The following AFF1 variants were observed in gnomAD, a reference collection of about 807,000 sequenced individuals.
AFF1 encodes the protein AF4/FMR2 family member 1.
Under a neutral mutation model 121.7 loss-of-function variants are expected in AFF1, and 48 were observed. The observed-to-expected ratio is 0.39, with a 90% CI of 0.31 to 0.50. The LOEUF (loss-of-function observed/expected upper bound fraction) is 0.50. Among genes scored for constraint, AFF1 ranks in the 20% least tolerant of loss-of-function variants. The probability of loss-of-function intolerance (pLI) is 0.76; values close to 1 mark genes in which losing one functional copy is unlikely to be tolerated. For missense variants in AFF1, 1,523 were observed against 1,511.7 expected (o/e 1.01, Z -0.12); for synonymous variants, 613 against 563.0 (o/e 1.09, Z -1.26).
intron 2 of AFF1, among the ~76,000 whole-genome samples, chr4:87,001,094 TCTC>T (rs1560530184): frequency 6.6e-6 from 1 of 151,550 alleles, no homozygotes; most frequent in African/African-American, 2.4e-5. Context: ...CCCCGGGGAC[TCTC>T]CTCCTACAGA....
intron 18 of AFF1, among the ~76,000 whole-genome samples, 176 bp downstream of exon 18, chr4:87,132,040 A>G (rs901871992): frequency 6.6e-6 from 1 of 152,130 alleles, no homozygotes; most frequent in Non-Finnish European, 1.5e-5. Context: ...ATCTGCTGCC[A>G]TTTTTCTGAT....
At chr4:87,115,437 A>T in intron 12 of AFF1, 138 bp downstream of exon 12, 1 of 910,852 alleles carries the variant, frequency 1.1e-6, no homozygotes, top group Non-Finnish European at 1.6e-6. Flanking sequence ...TAGCCTTTGC[A>T]TCTTCTTCCA....
Position 86,966,590 on chromosome 4 carries a change from GAAA to G in AFF1, c.38+18030_38+18032del, listed in dbSNP as rs33920945. On this transcript the variant is annotated intron_variant, in intron 2 of 20. Coordinates refer to ENST00000395146, the MANE Select transcript of AFF1 (RefSeq NM_001166693.3). ...ATATTTGCTCCAAGATGGCTCACAG[GAAA>G]AAAAAAAAAATCATAGTATTACTAG... Among the ~76,000 whole-genome samples the G allele has an allele frequency of 3.4e-3, 511 of 148,918 alleles. 5 individuals are homozygous for G. Among genetic ancestry groups the G allele is most frequent in the African/African-American group, 0.011 (459 of 40,798 alleles).
intron 4 of AFF1, among the ~76,000 whole-genome samples, chr4:87,069,879 G>A (rs1168571308): frequency 6.9e-6 from 1 of 144,000 alleles, no homozygotes; most frequent in Non-Finnish European, 1.5e-5. Context: ...AGTATAGTGT[G>A]GGATCTCAGC....
intron 4 of AFF1, among the ~76,000 whole-genome samples, chr4:87,055,812 A>G (rs1055896185): frequency 6.6e-6 from 1 of 152,200 alleles, no homozygotes; most frequent in Non-Finnish European, 1.5e-5. Flanking sequence ...ATCCTGGTTC[A>G]TGTTAACATA....
intron 4 of AFF1, among the ~76,000 whole-genome samples, chr4:87,051,134 TC>T (rs1212429403): frequency 6.6e-6 from 1 of 152,248 alleles, no homozygotes; most frequent in Non-Finnish European, 1.5e-5. Flanking sequence ...GACAGCTCTT[TC>T]ATTTTGCAAA....
chr4:86,968,045 A>C (rs537153528), intron 2 of AFF1, among the ~76,000 whole-genome samples: 1 of 152,190 alleles, frequency 6.6e-6, no homozygotes, highest in Non-Finnish European at 1.5e-5. Flanking sequence ...CTGATAAAGA[A>C]GCTGACAAAA....
intron 2 of AFF1, among the ~76,000 whole-genome samples, chr4:87,016,952 C>T (rs138419384): frequency 2.0e-5 from 3 of 151,994 alleles, no homozygotes; most frequent in African/African-American, 4.8e-5. Context: ...TGGTTCTATC[C>T]TTTTATTACT....
At chr4:87,082,668 A>G (rs887217080) in intron 4 of AFF1, among the ~76,000 whole-genome samples, 7 of 152,188 alleles carry the variant, frequency 4.6e-5, no homozygotes, top group East Asian at 1.9e-4. Context: ...GGCTCAGGCA[A>G]TCTGCCCGCC....
intron 4 of AFF1, among the ~76,000 whole-genome samples, chr4:87,059,499 A>G (rs146921238): frequency 6.9e-4 from 105 of 152,118 alleles, no homozygotes; most frequent in Non-Finnish European, 1.2e-3. Flanking sequence ...AACTGTTACA[A>G]CTTCTTTCTA....
At chr4:87,096,340 G>T (rs1235567686) in intron 8 of AFF1, among the ~76,000 whole-genome samples, 5 of 72,414 alleles carry the variant, frequency 6.9e-5, no homozygotes, top group Admixed American at 2.1e-4. Context: ...GTCTTGCTCT[G>T]TCACCCAGGC....
intron 7 of AFF1, among the ~76,000 whole-genome samples, chr4:87,092,124 A>G (rs1263682503): frequency 2.0e-5 from 3 of 152,142 alleles, no homozygotes; most frequent in African/African-American, 7.2e-5. Context: ...TCTCTACAAA[A>G]TTAGAAAAAT....
intron 2 of AFF1, among the ~76,000 whole-genome samples, chr4:87,006,017 C>G (rs557700202): frequency 6.6e-6 from 1 of 152,346 alleles, no homozygotes; most frequent in East Asian, 1.9e-4. Context: ...TCCCAGGAAT[C>G]TAGTAAACAC....
intron 4 of AFF1, among the ~76,000 whole-genome samples, chr4:87,068,524 A>G (rs1235916292): frequency 6.6e-6 from 1 of 152,206 alleles, no homozygotes; most frequent in East Asian, 1.9e-4. Flanking sequence ...GGGTCTTCAC[A>G]TCCTGGTTTT....
rs77127657 is a variant in AFF1, at chr4:86,981,891, T to C, written c.38+33320T>C. On this transcript the variant is annotated intron_variant, in intron 2 of 20. Coordinates refer to ENST00000395146, the MANE Select transcript of AFF1 (RefSeq NM_001166693.3). ...CTGGTCACTAACATCTGCTCTTCAG[T>C]TTATACACAGACAGCAAGGCGTGTA... Among the ~76,000 whole-genome samples the C allele has an allele frequency of 9.3e-3, 1,409 of 152,316 alleles. 10 individuals carry two copies. The highest frequency in any genetic ancestry group is 0.017 in the South Asian group (80 of 4,830).
chr4:87,049,047 T>C, intron 4 of AFF1, among the ~76,000 whole-genome samples: 1 of 139,024 alleles, frequency 7.2e-6, no homozygotes, highest in Non-Finnish European at 1.5e-5. Context: ...TTTCTTTCTT[T>C]ATCAAATAGG....
At position 87,134,714 on chromosome 4, in the gene AFF1, G is replaced by T. The variant is rs771756535; in HGVS notation, c.3535+20G>T. 15 of 1,586,754 alleles carry T rather than the reference G, an allele frequency of 9.5e-6. No individual in the cohort carries two copies. The highest frequency in any genetic ancestry group is 1.3e-5 in the Non-Finnish European group (15 of 1,157,884). On this transcript the variant is annotated intron_variant, in intron 20 of 20. Coordinates refer to ENST00000395146, the MANE Select transcript of AFF1 (RefSeq NM_001166693.3). Reference sequence around the variant, plus strand: ...ATAAAGGTAAATAAATGGCTTTGTGGTGGTAATTACTGGGGTGTTTGGATT... The same window carrying T: ...ATAAAGGTAAATAAATGGCTTTGTGTTGGTAATTACTGGGGTGTTTGGATT...
chr4:86,953,986 C>T (rs1043358362), intron 2 of AFF1, among the ~76,000 whole-genome samples: 2 of 152,170 alleles, frequency 1.3e-5, no homozygotes, highest in African/African-American at 2.4e-5. Flanking sequence ...GCTGGGATTA[C>T]AGGCGTGAGC....
At chr4:86,944,140 TA>T (rs35682600) in intron 1 of AFF1, among the ~76,000 whole-genome samples, 18,835 of 95,978 alleles carry the variant, frequency 0.2, 1,366 homozygotes, top group Non-Finnish European at 0.21. Flanking sequence ...CAAGACCCTG[TA>T]AAAAAAAAAA....
Sources: gnomAD v4.1 joint callset for allele counts (sites outside exome capture counted in the v4.1 genomes callset) on GRCh38, gnomAD v4.1.1 for gene constraint, MANE v1.5 for transcripts, NCBI Gene and HGNC (gene_info 2026-07-23, HGNC 2026-07-21) for gene names.